The following DLST variants were observed in gnomAD, a reference collection of about 807,000 sequenced individuals.
The protein encoded by DLST is dihydrolipoyllysine-residue succinyltransferase component of 2-oxoglutarate dehydrogenase complex, mitochondrial.
In DLST, 17 loss-of-function variants were observed where a neutral mutation model predicts 53.1. The ratio of observed to expected loss-of-function variants is 0.32; its 90% confidence interval spans 0.22 to 0.48. DLST has a LOEUF of 0.48. DLST is among the 20% of genes least tolerant of loss of function. The pLI is 0.99. For synonymous variants in DLST, 206 were observed against 204.8 expected, an observed-to-expected ratio of 1.01 and a Z score of -0.05; for missense variants, 512 against 583.9, an observed-to-expected ratio of 0.88 and a Z score of 1.27.
rs1884331003 is a variant in DLST, at chr14:74,903,228, TCTC to T, written c.*902_*904del. On this transcript the variant is annotated 3_prime_UTR_variant, in exon 15 of 15. Transcript: ENST00000334220. The stretch of plus-strand genomic sequence containing the variant: ...CCTGGTAGAGACTAGGGAAGGGAGG[TCTC>T]CTCTAGACTGACTCACATTGCCTTG... 2 of 152,604 alleles carry T rather than the reference TCTC, an allele frequency of 1.3e-5. No individual in the cohort carries two copies. The highest frequency in any genetic ancestry group is 2.1e-4 in the South Asian group (1 of 4,812). The allele number at this position is 152,604 out of a possible 1,614,324, so 9.5% of individuals were successfully genotyped here.
chr14:74,888,973 A>G (rs191062417), intron 3 of DLST, 122 bp from the exon 4 acceptor site: 30 of 962,296 alleles, frequency 3.1e-5, no homozygotes, highest in African/African-American at 8.1e-5. Context: ...CCCAAGTGAC[A>G]CTGATGGACA....
chr14:74,886,382 G>A (rs749423209), intron 3 of DLST, among the ~76,000 whole-genome samples: 2 of 152,116 alleles, frequency 1.3e-5, no homozygotes, highest in East Asian at 1.9e-4. Context: ...GCTGGAGTGC[G>A]GTAGCCTGAT....
intron 3 of DLST, among the ~76,000 whole-genome samples, chr14:74,886,890 C>T (rs1220687594): frequency 6.6e-6 from 1 of 151,842 alleles, no homozygotes; most frequent in Admixed American, 6.6e-5. Flanking sequence ...TACAGGCGCA[C>T]GCTACCACAC....
chr14:74,894,473 A>T, intron 10 of DLST, 64 bp downstream of exon 10: 2 of 1,517,580 alleles, frequency 1.3e-6, no homozygotes, highest in Non-Finnish European at 1.8e-6. Context: ...AACTTGCCCC[A>T]CTCCTTATCT....
At position 74,889,893 on chromosome 14, in the gene DLST, T is replaced by C. The variant is rs1164094848; in HGVS notation, c.275-4T>C. On this transcript the variant is annotated splice_polypyrimidine_tract_variant and splice_region_variant and intron_variant, in intron 5 of 14. Transcript: ENST00000334220. The stretch of plus-strand genomic sequence containing the variant: ...AGCCTTGTAGCCTTTGATTGTCTTT[T>C]CAGCTGTTGGAGACACAGTTGCAGA... The C allele has an allele frequency of 6.8e-6, 11 of 1,614,054 alleles. No homozygotes were observed. The highest frequency in any genetic ancestry group is 8.5e-6 in the Non-Finnish European group (10 of 1,179,960).
intron 3 of DLST, chr14:74,885,852 T>C (rs731165): frequency 0.31 from 156,681 of 499,844 alleles, 25,205 homozygotes; most frequent in African/African-American, 0.33. Context: ...GTGTGCCCAC[T>C]CTCCACAGGT....
chr14:74,894,509 C>G, intron 10 of DLST, 100 bp downstream of exon 10: 1 of 1,209,518 alleles, frequency 8.3e-7, no homozygotes, highest in Non-Finnish European at 1.2e-6. Context: ...ACTAACTTGT[C>G]AGGGAAGAGG....
Position 74,899,903 on chromosome 14 carries a change from A to G in DLST, c.902-20A>G. The G allele has an allele frequency of 1.3e-6, 2 of 1,595,692 alleles. No individual in the cohort carries two copies. Among genetic ancestry groups the G allele is most frequent in the Admixed American group, 1.7e-5 (1 of 57,952 alleles). On this transcript the variant is annotated intron_variant, in intron 11 of 14. Transcript: ENST00000334220. ...GCCTTCCTGGGGAGTTGTATGTAAC[A>G]TGTATTTTCTCTCTCATAGTGATTG...
Position 74,902,503 on chromosome 14 carries a change from C to A in DLST, c.*173C>A. Reference sequence around the variant, plus strand: ...AGTCACAGGTCTTTTCTTGGCGTTCCTGCCAGGCTCTCCCTCTCTGCACCT... The same window carrying A: ...AGTCACAGGTCTTTTCTTGGCGTTCATGCCAGGCTCTCCCTCTCTGCACCT... On this transcript the variant is annotated 3_prime_UTR_variant, in exon 15 of 15. Coordinates refer to ENST00000334220, the MANE Select transcript of DLST (RefSeq NM_001933.5). 2 of 637,174 alleles carry A rather than the reference C, an allele frequency of 3.1e-6. No individual in the cohort carries two copies. The highest frequency in any genetic ancestry group is 4.9e-6 in the Non-Finnish European group (2 of 408,576). The allele number at this position is 637,174 out of a possible 1,614,324, so 39.5% of individuals were successfully genotyped here. A position where few individuals can be genotyped will look rare whatever the true frequency, so the allele number is the denominator to read the frequency against.
chr14:74,890,566 T>G (rs1334906491), intron 6 of DLST, among the ~76,000 whole-genome samples: 1 of 152,224 alleles, frequency 6.6e-6, no homozygotes, highest in East Asian at 1.9e-4. Context: ...AACTGAATAT[T>G]GCCTGAATGT....
At chr14:74,900,665 A>G (rs1453546257) in intron 13 of DLST, among the ~76,000 whole-genome samples, 1 of 152,214 alleles carries the variant, frequency 6.6e-6, no homozygotes, top group Non-Finnish European at 1.5e-5. Context: ...TAGCCGAACA[A>G]CTGTCACACG....
chr14:74,895,909 T>C (rs1234172653), intron 10 of DLST, among the ~76,000 whole-genome samples: 2 of 152,048 alleles, frequency 1.3e-5, no homozygotes, highest in East Asian at 1.9e-4. Context: ...AAAAAAATTA[T>C]GTATGGTGGC....
chr14:74,901,317 C>G, intron 14 of DLST, 84 bp downstream of exon 14: 1 of 1,359,562 alleles, frequency 7.4e-7, no homozygotes, highest in Non-Finnish European at 1.0e-6. Context: ...AAAACATTAA[C>G]TATAATTTCA....
chr14:74,896,828 A>G (rs572032624), intron 10 of DLST, among the ~76,000 whole-genome samples: 23 of 152,258 alleles, frequency 1.5e-4, no homozygotes, highest in Non-Finnish European at 2.6e-4. Context: ...AGTTGGCCCA[A>G]CAGCTTTGAT....
rs1279446752 is a variant in DLST, at chr14:74,886,518, G to A, written c.146+884G>A. ...TTTTTTGTATTTTTTGTAGAGATGGGGTTGTTTTGCCATGATACCTGGGCT... is the reference window on the plus strand; with the variant it reads ...TTTTTTGTATTTTTTGTAGAGATGGAGTTGTTTTGCCATGATACCTGGGCT... On this transcript the variant is annotated intron_variant, in intron 3 of 14. Transcript: ENST00000334220. 2.6e-5 allele frequency among the ~76,000 whole-genome samples: 4 copies of A among 152,052 alleles called. No individual in the cohort carries two copies. In the South Asian group the frequency reaches 8.3e-4, roughly 32 times the overall value.
rs530406071 is a variant in DLST at position 74,902,533 on chromosome 14, C to T, written c.*203C>T. ...AGGCTCTCCCTCTCTGCACCTGTCT[C>T]ATAGCCTCGAATATCTTAATTCCTT... On this transcript the variant is annotated 3_prime_UTR_variant, in exon 15 of 15. Coordinates refer to ENST00000334220, the MANE Select transcript of DLST (RefSeq NM_001933.5). The T allele has an allele frequency of 2.0e-6, 1 of 489,390 alleles. No homozygotes were observed. Among genetic ancestry groups the T allele is most frequent in the Admixed American group, 3.5e-5 (1 of 28,242 alleles). The allele number at this position is 489,390 out of a possible 1,614,324, so 30.3% of individuals were successfully genotyped here.
intron 9 of DLST, among the ~76,000 whole-genome samples, chr14:74,893,719 C>T (rs979430470): frequency 2.0e-5 from 3 of 152,176 alleles, no homozygotes; most frequent in African/African-American, 7.2e-5. Context: ...CACCCCCGTC[C>T]TCCCACGATG....
chr14:74,897,484 A>T (rs1408708901), intron 10 of DLST, among the ~76,000 whole-genome samples: 1 of 152,206 alleles, frequency 6.6e-6, no homozygotes, highest in Non-Finnish European at 1.5e-5. Flanking sequence ...GCAATGTGTC[A>T]TTGAAAAAAA....
chr14:74,894,754 A>T (rs1419303256), intron 10 of DLST, among the ~76,000 whole-genome samples: 1 of 151,774 alleles, frequency 6.6e-6, no homozygotes, highest in African/African-American at 2.4e-5. Flanking sequence ...TCACCGTGTT[A>T]GCCAGGATGG....
Sources: gnomAD v4.1 joint callset for allele counts (sites outside exome capture counted in the v4.1 genomes callset) on GRCh38, gnomAD v4.1.1 for gene constraint, MANE v1.5 for transcripts, NCBI Gene and HGNC (gene_info 2026-07-23, HGNC 2026-07-21) for gene names.